Variants in LY6S observed in about 807,000 individuals in gnomAD.
The protein encoded by LY6S is lymphocyte antigen 6S.
the LY6S span, among the ~76,000 whole-genome samples, chr8:143,045,382 C>T: frequency 6.6e-6 from 1 of 152,130 alleles, no homozygotes; most frequent in Non-Finnish European, 1.5e-5. The surrounding 1 kb of genome is among the most constrained non-coding windows in gnomAD (Gnocchi z 5.3). Context: ...CAAACTTCAG[C>T]GAATCAGAGC....
the LY6S span, among the ~76,000 whole-genome samples, chr8:143,050,253 T>C: frequency 6.7e-6 from 1 of 150,132 alleles, no homozygotes; most frequent in Non-Finnish European, 1.5e-5. Context: ...TGATCTCGAC[T>C]CACTGCAACC....
the LY6S span, among the ~76,000 whole-genome samples, chr8:143,074,578 C>A: frequency 6.6e-6 from 1 of 152,012 alleles, no homozygotes; most frequent in Admixed American, 6.6e-5. Context: ...ACTTTCATAG[C>A]TTTCATCTCT....
the LY6S span, chr8:143,042,913 G>T: frequency 2.0e-6 from 2 of 1,009,934 alleles, no homozygotes; most frequent in South Asian, 2.6e-5. Context: ...GGAGGGCCTG[G>T]GCCCAGAGGA....
chr8:143,074,272 A>T, the LY6S span, among the ~76,000 whole-genome samples: 2 of 152,004 alleles, frequency 1.3e-5, no homozygotes, highest in Admixed American at 1.3e-4. Flanking sequence ...CATGTTAGAC[A>T]GTTGGATCAG....
chr8:143,056,050 G>A, the LY6S span, among the ~76,000 whole-genome samples: 1 of 151,408 alleles, frequency 6.6e-6, no homozygotes, highest in Non-Finnish European at 1.5e-5. Flanking sequence ...TGCCAAGGGA[G>A]CATTTCCCAG....
the LY6S span, among the ~76,000 whole-genome samples, chr8:143,073,125 CT>C: frequency 6.9e-6 from 1 of 145,648 alleles, no homozygotes; most frequent in African/African-American, 2.7e-5. Context: ...AGCCGTCGTC[CT>C]CGGGGTTCCT....
chr8:143,070,918 G>T, the LY6S span, among the ~76,000 whole-genome samples: 1 of 152,166 alleles, frequency 6.6e-6, no homozygotes, highest in Non-Finnish European at 1.5e-5. Flanking sequence ...TAACAGGACT[G>T]GCTGGCTTCC....
the LY6S span, among the ~76,000 whole-genome samples, chr8:143,050,176 C>CTT: frequency 7.2e-3 from 821 of 114,778 alleles, 12 homozygotes; most frequent in African/African-American, 0.022. Context: ...CAAAACCTGA[C>CTT]TTTTTTTTTT....
the LY6S span, among the ~76,000 whole-genome samples, chr8:143,052,823 C>T: frequency 1.3e-5 from 2 of 152,140 alleles, no homozygotes; most frequent in South Asian, 2.1e-4. Flanking sequence ...TGTCATCTAT[C>T]GCGTTCATGA....
At chr8:143,047,210 G>A in the LY6S span, among the ~76,000 whole-genome samples, 1 of 150,914 alleles carries the variant, frequency 6.6e-6, no homozygotes, top group Admixed American at 6.6e-5. Context: ...TGCCATCTCA[G>A]CTCACTGCAA....
the LY6S span, among the ~76,000 whole-genome samples, chr8:143,058,708 G>A: frequency 2.0e-5 from 3 of 152,270 alleles, no homozygotes; most frequent in African/African-American, 7.2e-5. Context: ...GGGAAAGGGA[G>A]ACTTCCTTTC....
At chr8:143,056,213 G>A in the LY6S span, among the ~76,000 whole-genome samples, 6 of 144,190 alleles carry the variant, frequency 4.2e-5, no homozygotes, top group African/African-American at 1.6e-4. Flanking sequence ...ATCGAAAAGA[G>A]AAACCGGCAA....
At chr8:143,070,588 G>C in the LY6S span, among the ~76,000 whole-genome samples, 2 of 148,334 alleles carry the variant, frequency 1.3e-5, no homozygotes, top group East Asian at 4.0e-4. Context: ...CTGGGTTCAA[G>C]TGATTCTCCT....
the LY6S span, among the ~76,000 whole-genome samples, chr8:143,054,875 AAC>A: frequency 6.6e-6 from 1 of 152,306 alleles, no homozygotes; most frequent in African/African-American, 2.4e-5. Context: ...CCCTCCAGCA[AAC>A]GGCAGAGGGC....
chr8:143,069,491 G>C, the LY6S span, among the ~76,000 whole-genome samples: 1 of 152,160 alleles, frequency 6.6e-6, no homozygotes, highest in Non-Finnish European at 1.5e-5. Context: ...CCAAGCCTGG[G>C]GACCCAGCCG....
chr8:143,052,152 G>T, the LY6S span, among the ~76,000 whole-genome samples: 1 of 147,462 alleles, frequency 6.8e-6, no homozygotes, highest in African/African-American at 2.5e-5. Context: ...GTGGTGGCGG[G>T]CGCCTGTAGT....
At chr8:143,058,221 GATAAA>G in the LY6S span, among the ~76,000 whole-genome samples, 2 of 152,292 alleles carry the variant, frequency 1.3e-5, no homozygotes, top group African/African-American at 2.4e-5. Context: ...AAGACAAAGA[GATAAA>G]AGAAAAGACA....
chr8:143,049,413 C>T, the LY6S span: 13 of 402,856 alleles, frequency 3.2e-5, no homozygotes, highest in African/African-American at 2.7e-4. Flanking sequence ...CATCCCGCAG[C>T]TCCGTCTTTC....
chr8:143,058,018 G>A, the LY6S span, among the ~76,000 whole-genome samples: 1 of 152,174 alleles, frequency 6.6e-6, no homozygotes, highest in South Asian at 2.1e-4. Flanking sequence ...AAATTGAGAA[G>A]AAAGAAAGTG....
Sources: allele counts gnomAD v4.1 joint callset (sites outside exome capture counted in the v4.1 genomes callset), GRCh38; gene constraint gnomAD v4.1.1; non-coding constraint Gnocchi (gnomAD v3.1); transcripts MANE v1.5; gene names NCBI Gene and HGNC (gene_info 2026-07-23, HGNC 2026-07-21).